Variants in RANGRF observed in about 807,000 individuals in gnomAD.
The protein encoded by RANGRF is RAN guanine nucleotide release factor.
RANGRF carries 17 observed loss-of-function variants against 21.8 expected under a neutral mutation model. The observed-to-expected ratio is 0.78, with a 90% CI of 0.53 to 1.17. The LOEUF (loss-of-function observed/expected upper bound fraction) is 1.17, where lower values mean the gene tolerates loss of function less well. RANGRF is among the 50% of genes most tolerant of loss of function. The pLI, the probability that RANGRF is intolerant of heterozygous loss-of-function variation, is 0.00. For missense variants in RANGRF, 225 were observed against 235.5 expected (o/e 0.96, Z 0.29); for synonymous variants, 97 against 94.3 (o/e 1.03, Z -0.17).
In RANGRF at chr17:8,289,347, TGA is replaced by T; in HGVS notation, c.286_287del (p.Arg96GlyfsTer17). On this transcript the variant is annotated frameshift_variant, in exon 3 of 5. Transcript: ENST00000226105. LOFTEE classifies it high-confidence loss of function. The stretch of plus-strand genomic sequence containing the variant: ...CCTCTCAGTTTGGAGAACCTGGCCC[TGA>T]GGGGCCGCTGTCAAGAAGCCTGGGT... The T allele has an allele frequency of 6.2e-7, 1 of 1,614,164 alleles. No homozygotes were observed. Among genetic ancestry groups the T allele is most frequent in the South Asian group, 1.1e-5 (1 of 91,078 alleles).
In RANGRF at chr17:8,290,002, G is replaced by C. The variant is rs1990359987; in HGVS notation, c.*66G>C. On this transcript the variant is annotated 3_prime_UTR_variant, in exon 5 of 5. Transcript: ENST00000226105. ...ACTCGGTTCTGTGAGGGGGAAAAGA[G>C]GTTGAAAAGAGGGTTTCCTCTTATT... The C allele has an allele frequency of 6.2e-7, 1 of 1,608,900 alleles. No individual in the cohort carries two copies. Among genetic ancestry groups the C allele is most frequent in the African/African-American group, 1.3e-5 (1 of 74,794 alleles).
rs1027901416 is a variant in RANGRF at position 8,289,141 on chromosome 17, G to A, written c.194+69G>A. 3.7e-6 allele frequency: 6 copies of A among 1,602,504 alleles called. No homozygotes were observed. In the African/African-American group the frequency reaches 4.0e-5, roughly 11 times the overall value. Reference sequence around the variant, plus strand: ...GGACCAGTGGGCGGGGCCCGCGGCCGACGGTTAATCCGGGCGGTGAGACCA... The same window carrying A: ...GGACCAGTGGGCGGGGCCCGCGGCCAACGGTTAATCCGGGCGGTGAGACCA... On this transcript the variant is annotated intron_variant, in intron 2 of 4. Coordinates refer to ENST00000226105, the MANE Select transcript of RANGRF (RefSeq NM_016492.5).
chr17:8,289,397 G>A lies in RANGRF; in HGVS notation c.334G>A (p.Ala112Thr), dbSNP rs1455399884. The A allele has an allele frequency of 1.2e-6, 2 of 1,613,954 alleles. No homozygotes were observed. Among genetic ancestry groups the A allele is most frequent in the Admixed American group, 1.7e-5 (1 of 59,970 alleles). Residue 112 changes from alanine to threonine, a missense_variant, in exon 3 of 5, where the codon GCT becomes ACT. Transcript: ENST00000226105. ...GGTCCTCTCTGGCAAGCAGCAGATAGCTAAGGAAAACCAGCAGGTGAGGGC... is the reference window on the plus strand; with the variant it reads ...GGTCCTCTCTGGCAAGCAGCAGATAACTAAGGAAAACCAGCAGGTGAGGGC... ...AWVLSGKQQI[A>T]KENQQVAKDV...
At position 8,288,865 on chromosome 17, in the gene RANGRF, G is replaced by GTT. The variant is rs752807400; in HGVS notation, c.77_77+1insTT (p.Asp27SerfsTer17). 4 of 1,614,244 alleles carry GTT rather than the reference G, an allele frequency of 2.5e-6. No homozygotes were observed. The South Asian group carries it at 3.3e-5, about 13-fold the overall frequency. ...CTCCCCATGGGGGCCATTGACGTAAGGTGAGAAGGCCGGGGCGCCCAGGGG... is the reference window on the plus strand; with the variant it reads ...CTCCCCATGGGGGCCATTGACGTAAGTTGTGAGAAGGCCGGGGCGCCCAGGGG... On this transcript the variant is annotated frameshift_variant and splice_region_variant. Transcript: ENST00000226105. LOFTEE classifies it high-confidence loss of function.
Position 8,289,398 on chromosome 17 carries a change from C to T in RANGRF, c.335C>T (p.Ala112Val). 1 of 1,614,024 alleles carries T rather than the reference C, an allele frequency of 6.2e-7. No individual in the cohort carries two copies. The highest frequency in any genetic ancestry group is 1.1e-5 in the South Asian group (1 of 91,088). ...GTCCTCTCTGGCAAGCAGCAGATAG[C>T]TAAGGAAAACCAGCAGGTGAGGGCC... ...AWVLSGKQQI[A>V]KENQQVAKDV... Residue 112 changes from alanine (A) to valine (V), a missense_variant, in exon 3 of 5, where the codon GCT (alanine) becomes GTT (valine). Ala to Val is a moderately conservative substitution (Grantham distance 64). Coordinates refer to ENST00000226105, the MANE Select transcript of RANGRF (RefSeq NM_016492.5).
intron 2 of RANGRF, 92 bp from the exon 3 acceptor site, chr17:8,289,166 A>G (rs1047887709): frequency 1.7e-5 from 28 of 1,600,172 alleles, no homozygotes; most frequent in East Asian, 1.3e-4. Flanking sequence ...CGGTGAGACC[A>G]CGCACGGGCC....
rs977271397 is a variant in RANGRF at position 8,289,032 on chromosome 17, C to A, written c.154C>A (p.Leu52Ile). 13 of 1,614,046 alleles carry A rather than the reference C, an allele frequency of 8.1e-6. No individual in the cohort carries two copies. Among genetic ancestry groups the A allele is most frequent in the Non-Finnish European group, 1.1e-5 (13 of 1,180,024 alleles). ...GGACCAGAGCCTGATAGTGGAACTTCTCGAGCTGCAGGCCCACGTACGGGG... is the reference window on the plus strand; with the variant it reads ...GGACCAGAGCCTGATAGTGGAACTTATCGAGCTGCAGGCCCACGTACGGGG... ...VTDQSLIVEL[L>I]ELQAHVRGEA... Residue 52 changes from leucine to isoleucine, a missense_variant, in exon 2 of 5, where the codon CTC becomes ATC. By Grantham distance (5) the Leu-to-Ile change is conservative. Coordinates refer to ENST00000226105, the MANE Select transcript of RANGRF (RefSeq NM_016492.5).
At chr17:8,289,166 A>C (rs1047887709) in intron 2 of RANGRF, 92 bp from the exon 3 acceptor site, 1 of 1,600,172 alleles carries the variant, frequency 6.2e-7, no homozygotes, top group African/African-American at 1.3e-5. Flanking sequence ...CGGTGAGACC[A>C]CGCACGGGCC....
At chr17:8,289,777 ATGATGTTCTGTC>A in intron 4 of RANGRF, 24 bp from the exon 5 acceptor site, 1 of 1,613,566 alleles carries the variant, frequency 6.2e-7, no homozygotes, top group Non-Finnish European at 8.5e-7. Flanking sequence ...TCAGGCCTGG[ATGATGTTCTGTC>A]TCCATCTGTT....
Position 8,289,298 on chromosome 17 carries a change from G to GC in RANGRF, c.236dup (p.Val80CysfsTer34), listed in dbSNP as rs1567656738. On this transcript the variant is annotated frameshift_variant, in exon 3 of 5. Coordinates refer to ENST00000226105, the MANE Select transcript of RANGRF (RefSeq NM_016492.5). LOFTEE classifies it high-confidence loss of function. ...TGTTGGTGGCGTGCAGGGGGCTAGGGCTGTCCATGTGGAGTCTGTTCAGCC... is the reference window on the plus strand; with the variant it reads ...TGTTGGTGGCGTGCAGGGGGCTAGGGCCTGTCCATGTGGAGTCTGTTCAGCC... 1 of 1,614,042 alleles carries GC rather than the reference G, an allele frequency of 6.2e-7. No individual in the cohort carries two copies.
Position 8,290,082 on chromosome 17 carries a change from A to G in RANGRF, c.*146A>G. On this transcript the variant is annotated 3_prime_UTR_variant, in exon 5 of 5. Coordinates refer to ENST00000226105, the MANE Select transcript of RANGRF (RefSeq NM_016492.5). ...CCTCTTCAGAATAAACTTGCTTTAT[A>G]ATCAATATAATCTCTGTGCCTTTGA... 4 of 1,532,316 alleles carry G rather than the reference A, an allele frequency of 2.6e-6. No individual in the cohort carries two copies. Among genetic ancestry groups the G allele is most frequent in the Non-Finnish European group, 3.5e-6 (4 of 1,139,958 alleles). The allele number at this position is 1,532,316 out of a possible 1,614,324, so 94.9% of individuals were successfully genotyped here.
rs1343624165 is a variant in RANGRF, at chr17:8,290,013, G to A, written c.*77G>A. On this transcript the variant is annotated 3_prime_UTR_variant, in exon 5 of 5. Transcript: ENST00000226105. ...TGAGGGGGAAAAGAGGTTGAAAAGA[G>A]GGTTTCCTCTTATTTCTTCCCTGTG... 2 of 1,606,810 alleles carry A rather than the reference G, an allele frequency of 1.2e-6. No individual in the cohort carries two copies. Among genetic ancestry groups the A allele is most frequent in the Admixed American group, 1.7e-5 (1 of 59,598 alleles).
intron 1 of RANGRF, 26 bp downstream of exon 1, chr17:8,288,891 C>A (rs776597524): frequency 1.4e-4 from 222 of 1,614,052 alleles, no homozygotes; most frequent in Middle Eastern, 6.6e-4. Flanking sequence ...CGCCCAGGGG[C>A]GGCTGACTGG....
chr17:8,289,313 T>C lies in RANGRF; in HGVS notation c.250T>C (p.Ser84Pro), dbSNP rs755244411. 2 of 1,613,854 alleles carry C rather than the reference T, an allele frequency of 1.2e-6. No individual in the cohort carries two copies. The highest frequency in any genetic ancestry group is 3.3e-5 in the Admixed American group (2 of 59,992). The change falls in exon 3 of 5, where the codon TCT becomes CCT. Residue 84 changes from serine to proline, a missense_variant. By Grantham distance (74) the Ser-to-Pro change is moderately conservative (BLOSUM62 -1). Transcript: ENST00000226105. ...GGGGGCTAGGGCTGTCCATGTGGAG[T>C]CTGTTCAGCCTCTCAGTTTGGAGAA... ...VQGARAVHVE[S>P]VQPLSLENLA...
Position 8,289,291 on chromosome 17 carries a change from G to T in RANGRF, c.228G>T (p.Gly76=). 1.2e-6 allele frequency: 2 copies of T among 1,613,974 alleles called. No homozygotes were observed. Among genetic ancestry groups the T allele is most frequent in the Non-Finnish European group, 1.7e-6 (2 of 1,180,022 alleles). ...YHFEDVGGVQ[G]ARAVHVESVQ... is the part of the protein sequence containing the mutation. ...TTGAGGATGTTGGTGGCGTGCAGGG[G>T]GCTAGGGCTGTCCATGTGGAGTCTG... Residue 76 remains glycine (G), a synonymous_variant, in exon 3 of 5, where the codon GGG becomes GGT. Coordinates refer to ENST00000226105, the MANE Select transcript of RANGRF (RefSeq NM_016492.5).
chr17:8,289,707 A>G, intron 4 of RANGRF, 106 bp from the exon 5 acceptor site: 1 of 1,612,592 alleles, frequency 6.2e-7, no homozygotes, highest in Non-Finnish European at 8.5e-7. Flanking sequence ...AGTGGGCCAG[A>G]GGTTTGGGGT....
In RANGRF at chr17:8,288,685, C is replaced by A; in HGVS notation, c.-104C>A. ...TAAAGGATCCGGGAGCTAAGCCAGA[C>A]CCGGGTGGCGGTGGCAGCTGCGAAA... On this transcript the variant is annotated 5_prime_UTR_variant, in exon 1 of 5. Coordinates refer to ENST00000226105, the MANE Select transcript of RANGRF (RefSeq NM_016492.5). The A allele has an allele frequency of 2.3e-6, 3 of 1,316,320 alleles. No homozygotes were observed. Among genetic ancestry groups the A allele is most frequent in the East Asian group, 2.3e-5 (1 of 43,286 alleles). The allele number at this position is 1,316,320 out of a possible 1,614,324, so 81.5% of individuals were successfully genotyped here. A position where few individuals can be genotyped will look rare whatever the true frequency, so the allele number is the denominator to read the frequency against.
At position 8,289,090 on chromosome 17, in the gene RANGRF, G is replaced by A. The variant is rs1990270197; in HGVS notation, c.194+18G>A. ...GCTGCGCGGTGAGGGAATGGCCCCC[G>A]GCTGGCCAATGGCAGGGGCGGGGTC... On this transcript the variant is annotated intron_variant, in intron 2 of 4. Transcript: ENST00000226105. The A allele has an allele frequency of 6.2e-7, 1 of 1,612,568 alleles. No homozygotes were observed. Among genetic ancestry groups the A allele is most frequent in the Non-Finnish European group, 8.5e-7 (1 of 1,179,426 alleles).
In RANGRF at chr17:8,289,073, G is replaced by C; in HGVS notation, c.194+1G>C. The C allele has an allele frequency of 6.2e-7, 1 of 1,613,352 alleles. No individual in the cohort carries two copies. The highest frequency in any genetic ancestry group is 8.5e-7 in the Non-Finnish European group (1 of 1,179,858). On this transcript the variant is annotated splice_donor_variant, in intron 2 of 4. Coordinates refer to ENST00000226105, the MANE Select transcript of RANGRF (RefSeq NM_016492.5). LOFTEE classifies it high-confidence loss of function. ...ACGTACGGGGCGAAGCGGCTGCGCG[G>C]TGAGGGAATGGCCCCCGGCTGGCCA...
Sources: gnomAD v4.1 joint callset for allele counts on GRCh38, gnomAD v4.1.1 for gene constraint, MANE v1.5 for transcripts, NCBI Gene and HGNC (gene_info 2026-07-23, HGNC 2026-07-21) for gene names.